GPHN: variants seen among roughly 807,000 people sequenced by gnomAD.
GPHN encodes the protein gephyrin.
Under a neutral mutation model 95.5 loss-of-function variants are expected in GPHN, and 17 were observed. The ratio of observed to expected loss-of-function variants is 0.18; its 90% CI spans 0.12 to 0.27. The LOEUF is 0.27. Ranked by LOEUF, GPHN falls within the 10% of genes least tolerant of loss-of-function variation. The pLI is 1.00. For missense variants in GPHN, 660 were observed against 978.1 expected (o/e 0.67, Z 4.34); for synonymous variants, 320 against 322.5 (o/e 0.99, Z 0.08).
intron 11 of GPHN, among the ~76,000 whole-genome samples, chr14:67,066,817 T>C (rs1212539914): frequency 6.6e-6 from 1 of 152,214 alleles, no homozygotes. Context: ...TTTATTCTCA[T>C]TAGCCATTCG....
At position 66,510,864 on chromosome 14, in the gene GPHN, T is replaced by C. The variant is rs901533729; in HGVS notation, c.64+2273T>C. 3.3e-5 allele frequency among the ~76,000 whole-genome samples: 5 copies of C among 151,794 alleles called. No homozygotes were observed. The South Asian group carries it at 8.4e-4, about 25-fold the overall frequency. ...GAGAAGGTAACATTAACATTGACAG[T>C]GGAATTAAAGACAGTCAGGGGAAGC... is the stretch of plus-strand genomic sequence containing the variant. On this transcript the variant is annotated intron_variant, in intron 1 of 22. Coordinates refer to ENST00000478722, the MANE Select transcript of GPHN (RefSeq NM_020806.5).
chr14:67,660,583 C>A, the GPHN span, among the ~76,000 whole-genome samples: 46 of 152,298 alleles, frequency 3.0e-4, 1 homozygote, highest in African/African-American at 1.1e-3. Context: ...TTCTTCCCTT[C>A]TCCTGCTCCT....
chr14:67,003,088 T>C (rs2072350016), intron 9 of GPHN, among the ~76,000 whole-genome samples: 1 of 151,590 alleles, frequency 6.6e-6, no homozygotes, highest in South Asian at 2.1e-4. Flanking sequence ...TCTCCAGTTT[T>C]TCAATTGTCT....
chr14:67,520,588 A>C, the GPHN span, among the ~76,000 whole-genome samples: 2 of 152,250 alleles, frequency 1.3e-5, no homozygotes, highest in Non-Finnish European at 2.9e-5. Context: ...TCACCTACTG[A>C]AGGAAATCTT....
At chr14:66,614,200 C>T (rs1382814456) in intron 1 of GPHN, among the ~76,000 whole-genome samples, 3 of 152,006 alleles carry the variant, frequency 2.0e-5, no homozygotes, top group Non-Finnish European at 4.4e-5. Context: ...CTTTTTATAA[C>T]TATATTAATT....
At chr14:66,612,976 T>G (rs1052649476) in intron 1 of GPHN, among the ~76,000 whole-genome samples, 3 of 152,120 alleles carry the variant, frequency 2.0e-5, no homozygotes, top group Non-Finnish European at 4.4e-5. Context: ...TTTTCAGTTT[T>G]TAGCTATTAT....
the GPHN span, among the ~76,000 whole-genome samples, chr14:67,253,706 G>A: frequency 5.3e-5 from 8 of 151,958 alleles, no homozygotes; most frequent in Non-Finnish European, 8.8e-5. Context: ...AATTAGCTGG[G>A]TTTGCATTCC....
chr14:67,600,724 C>G, the GPHN span, among the ~76,000 whole-genome samples: 4 of 152,084 alleles, frequency 2.6e-5, no homozygotes, highest in Admixed American at 6.5e-5. Flanking sequence ...GGATTACAGG[C>G]GCGCGCCACC....
At chr14:67,313,193 C>T in the GPHN span, among the ~76,000 whole-genome samples, 9 of 152,106 alleles carry the variant, frequency 5.9e-5, no homozygotes, top group Admixed American at 2.6e-4. Context: ...TTAGACTAAA[C>T]TAAAACTTTA....
the GPHN span, chr14:67,470,622 AC>A: frequency 6.5e-6 from 1 of 152,806 alleles, no homozygotes; most frequent in Non-Finnish European, 1.5e-5. Flanking sequence ...TCCCCAGGAG[AC>A]CCACGCAGAG....
the GPHN span, among the ~76,000 whole-genome samples, chr14:67,566,766 GA>G: frequency 7.0e-6 from 1 of 142,694 alleles, no homozygotes; most frequent in South Asian, 2.2e-4. Context: ...AAAAAAAAAA[GA>G]GTGGGTCTTC....
chr14:67,145,920 A>T (rs975053874), intron 18 of GPHN, among the ~76,000 whole-genome samples: 4 of 152,254 alleles, frequency 2.6e-5, no homozygotes, highest in Non-Finnish European at 5.9e-5. Context: ...ATTAAGCCAC[A>T]ACTGGAGCTT....
At chr14:66,571,360 C>T (rs530550081) in intron 1 of GPHN, among the ~76,000 whole-genome samples, 4 of 152,202 alleles carry the variant, frequency 2.6e-5, no homozygotes, top group Non-Finnish European at 2.9e-5. Flanking sequence ...AATTACAATT[C>T]GAAATGAGAT....
intron 1 of GPHN, among the ~76,000 whole-genome samples, chr14:66,517,583 T>G (rs117882407): frequency 0.012 from 1,841 of 152,252 alleles, 19 homozygotes; most frequent in Non-Finnish European, 0.018. Context: ...GGTACTGGTG[T>G]AAAAACAGAC....
intron 4 of GPHN, among the ~76,000 whole-genome samples, chr14:66,831,441 G>A (rs138808984): frequency 0.011 from 1,684 of 152,200 alleles, 15 homozygotes; most frequent in Non-Finnish European, 0.018. Context: ...TTAATAAAAT[G>A]TTCCATCCCT....
chr14:67,647,507 G>A, the GPHN span: 2 of 156,708 alleles, frequency 1.3e-5, no homozygotes. Context: ...AAGCTGTTAA[G>A]AAACTTAGTT....
intron 1 of GPHN, among the ~76,000 whole-genome samples, chr14:66,519,961 A>G (rs1016624786): frequency 4.6e-5 from 7 of 152,260 alleles, no homozygotes; most frequent in South Asian, 2.1e-4. Context: ...AATTGAATCT[A>G]TGTAATCTGT....
the GPHN span, among the ~76,000 whole-genome samples, chr14:67,431,260 G>T: frequency 6.6e-6 from 1 of 151,966 alleles, no homozygotes; most frequent in Admixed American, 6.6e-5. Context: ...GGGCATGGTG[G>T]CGCTTGCCTG....
chr14:67,369,137 C>G, the GPHN span, among the ~76,000 whole-genome samples: 8 of 152,082 alleles, frequency 5.3e-5, no homozygotes, highest in Non-Finnish European at 1.2e-4. Flanking sequence ...CGACGATAAT[C>G]CTGTCTACAA....
Sources: allele counts gnomAD v4.1 joint callset (sites outside exome capture counted in the v4.1 genomes callset), GRCh38; gene constraint gnomAD v4.1.1; transcripts MANE v1.5; gene names NCBI Gene and HGNC (gene_info 2026-07-23, HGNC 2026-07-21).